Variants in AS3MT observed in about 807,000 individuals in gnomAD.
AS3MT encodes S-adenosyl-L-methionine:arsenic(III) methyltransferase.
Under a neutral mutation model 45.3 loss-of-function variants are expected in AS3MT, and 47 were observed. That is an observed-to-expected ratio of 1.04 (90% CI 0.82 to 1.32). The LOEUF (loss-of-function observed/expected upper bound fraction) is 1.32. AS3MT is among the 40% of genes most tolerant of loss of function. The pLI is 0.00. For missense variants in AS3MT, 396 were observed against 451.1 expected, an observed-to-expected ratio of 0.88 and a Z score of 1.11; for synonymous variants, 141 against 152.8, an observed-to-expected ratio of 0.92 and a Z score of 0.57.
chr10:102,877,070 A>T (rs752623913), intron 7 of AS3MT, 35 bp downstream of exon 7: 41 of 1,576,728 alleles, frequency 2.6e-5, no homozygotes, highest in Non-Finnish European at 3.6e-5. Flanking sequence ...ATTAAGGCAG[A>T]TGGTTGTACA....
At chr10:102,871,632 G>A (rs1844689340) in intron 3 of AS3MT, among the ~76,000 whole-genome samples, 1 of 149,084 alleles carries the variant, frequency 6.7e-6, no homozygotes, top group African/African-American at 2.5e-5. Flanking sequence ...GGAGGCTGAG[G>A]TAGGAGAATG....
chr10:102,876,914 C>T (rs1844792494), intron 6 of AS3MT, 40 bp from the exon 7 acceptor site: 1 of 1,579,092 alleles, frequency 6.3e-7, no homozygotes, highest in Admixed American at 1.7e-5. Flanking sequence ...TCAATGTAAT[C>T]ATTAATCATC....
intron 10 of AS3MT, among the ~76,000 whole-genome samples, chr10:102,891,253 C>T (rs1173973521): frequency 6.6e-6 from 1 of 152,204 alleles, no homozygotes; most frequent in African/African-American, 2.4e-5. Context: ...CAGTTAACAA[C>T]CACCTGATCA....
intron 7 of AS3MT, among the ~76,000 whole-genome samples, chr10:102,877,941 TG>T (rs943388195): frequency 2.6e-5 from 4 of 151,870 alleles, no homozygotes; most frequent in Non-Finnish European, 5.9e-5. Flanking sequence ...TTAGTAGAGA[TG>T]GGGTTTCACT....
At chr10:102,895,710 G>A (rs995728088) in intron 10 of AS3MT, among the ~76,000 whole-genome samples, 2 of 151,752 alleles carry the variant, frequency 1.3e-5, no homozygotes, top group African/African-American at 4.8e-5. Flanking sequence ...GCCCAGCCTG[G>A]GCAACAAGAG....
chr10:102,890,128 G>A (rs986471315), intron 9 of AS3MT, among the ~76,000 whole-genome samples: 2 of 151,498 alleles, frequency 1.3e-5, no homozygotes, highest in African/African-American at 4.9e-5. Flanking sequence ...AGCCTCCCAA[G>A]TAGCTGGGAC....
chr10:102,895,029 C>T (rs1228424351), intron 10 of AS3MT, among the ~76,000 whole-genome samples: 2 of 152,206 alleles, frequency 1.3e-5, no homozygotes, highest in Admixed American at 1.3e-4. Flanking sequence ...CCATTGGTCA[C>T]TTATTTGGCT....
rs562263886 is a variant in AS3MT, at chr10:102,889,093, T to A, written c.886-1451T>A. On this transcript the variant is annotated intron_variant, in intron 9 of 10. Transcript: ENST00000369880. ...TTTTAGTAGAGACGGGGTTTTACCA[T>A]GTTAGCCAGGATGGTCTCAATCTCC... Among the ~76,000 whole-genome samples, 4 of 151,704 alleles carry A rather than the reference T, an allele frequency of 2.6e-5. No homozygotes were observed. The South Asian group carries it at 8.3e-4, about 32-fold the overall frequency.
At position 102,878,923 on chromosome 10, in the gene AS3MT, G is replaced by T; in HGVS notation, c.817G>T (p.Val273Phe). The change falls in exon 9 of 11, where the codon GTT becomes TTT. Residue 273 changes from valine (V) to phenylalanine (F), a missense_variant. Transcript: ENST00000369880. ...GACAGGACCAACCAAGAGATGCCAA[G>T]TTATTTACAATGGAGGAATTACAGG... Reference protein sequence around the residue: ...SKTGPTKRCQVIYNGGITGHE... With the variant: ...SKTGPTKRCQFIYNGGITGHE... 1 of 1,613,938 alleles carries T rather than the reference G, an allele frequency of 6.2e-7. No homozygotes were observed.
chr10:102,880,158 AG>A (rs1844851226), intron 9 of AS3MT, among the ~76,000 whole-genome samples: 1 of 152,224 alleles, frequency 6.6e-6, no homozygotes, highest in Non-Finnish European at 1.5e-5. Context: ...CAAGGAATTA[AG>A]AAATTTTAAT....
chr10:102,899,020 C>G, intron 10 of AS3MT, among the ~76,000 whole-genome samples: 1 of 152,278 alleles, frequency 6.6e-6, no homozygotes, highest in South Asian at 2.1e-4. Flanking sequence ...GTCTTGAGAT[C>G]TTTTTGAACT....
At position 102,888,874 on chromosome 10, in the gene AS3MT, TATATATA is replaced by T. The variant is rs1193433057; in HGVS notation, c.886-1669_886-1663del. On this transcript the variant is annotated intron_variant, in intron 9 of 10. Transcript: ENST00000369880. ...CCCTATATATATATATATATATATA[TATATATA>T]TTTTTTTTTTTTTTTTTGAGACGGA... Among the ~76,000 whole-genome samples, 277 of 82,188 alleles carry T rather than the reference TATATATA, an allele frequency of 3.4e-3. 3 individuals carry two copies. Among genetic ancestry groups the T allele is most frequent in the Non-Finnish European group, 4.6e-3 (189 of 41,128 alleles). 53.9% of individuals were successfully genotyped at this position (82,188 alleles called of 152,430 possible).
In AS3MT at chr10:102,894,384, C is replaced by T. The variant is rs554126009; in HGVS notation, c.1020+3706C>T. Among the ~76,000 whole-genome samples, 23 of 151,896 alleles carry T rather than the reference C, an allele frequency of 1.5e-4. 1 individual carries two copies. Among genetic ancestry groups the T allele is most frequent in the African/African-American group, 5.6e-4 (23 of 41,414 alleles). ...GTTGCAGTGAGCCGAGATCATGCCA[C>T]TGCACTCTAACCTGGGCGACAGAGC... On this transcript the variant is annotated intron_variant, in intron 10 of 10. Transcript: ENST00000369880.
At position 102,873,129 on chromosome 10, in the gene AS3MT, C is replaced by T. The variant is rs762143284; in HGVS notation, c.354C>T (p.His118=). Residue 118 remains histidine, a synonymous_variant, in exon 5 of 11, where the codon CAC becomes CAT. Coordinates refer to ENST00000369880, the MANE Select transcript of AS3MT (RefSeq NM_020682.4). ...TGGCTGAAAAGTATCTTGACTATCA[C>T]ATGGAAAAATATGGCTTCCAGGCAT... ...VEVAEKYLDY[H]MEKYGFQASN... 7.5e-6 allele frequency: 12 copies of T among 1,602,108 alleles called. No homozygotes were observed. Among genetic ancestry groups the T allele is most frequent in the African/African-American group, 1.3e-5 (1 of 74,102 alleles).
chr10:102,873,036 T>C, intron 4 of AS3MT, 61 bp from the exon 5 acceptor site: 1 of 1,400,430 alleles, frequency 7.1e-7, no homozygotes, highest in East Asian at 2.4e-5. Context: ...TAGGAAATTT[T>C]TAGGAAAAAG....
intron 9 of AS3MT, among the ~76,000 whole-genome samples, chr10:102,884,365 T>C (rs1219673066): frequency 6.6e-6 from 1 of 152,122 alleles, no homozygotes; most frequent in African/African-American, 2.4e-5. Flanking sequence ...TGAAATTTTG[T>C]ATCCTTTAAC....
chr10:102,889,260 G>A (rs550214947), intron 9 of AS3MT, among the ~76,000 whole-genome samples: 2 of 151,784 alleles, frequency 1.3e-5, no homozygotes, highest in Non-Finnish European at 2.9e-5. Context: ...CTGGCCTTTG[G>A]TAACTATCAA....
intron 10 of AS3MT, among the ~76,000 whole-genome samples, chr10:102,898,637 C>T (rs1338897395): frequency 6.6e-6 from 1 of 152,124 alleles, no homozygotes; most frequent in East Asian, 1.9e-4. Context: ...ATGATGCAAA[C>T]AGGATTAGGG....
intron 9 of AS3MT, among the ~76,000 whole-genome samples, chr10:102,884,925 C>T (rs977114549): frequency 6.6e-6 from 1 of 152,126 alleles, no homozygotes; most frequent in African/African-American, 2.4e-5. Context: ...ATAATTTGTA[C>T]AGATCAAGTC....
Sources: gnomAD v4.1 joint callset for allele counts (sites outside exome capture counted in the v4.1 genomes callset) on GRCh38, gnomAD v4.1.1 for gene constraint, MANE v1.5 for transcripts, NCBI Gene and HGNC (gene_info 2026-07-23, HGNC 2026-07-21) for gene names.